FNBP1: variants seen among roughly 807,000 people sequenced by gnomAD.
The protein encoded by FNBP1 is formin-binding protein 1.
A neutral mutation model predicts 90.6 loss-of-function variants in FNBP1; 26 were observed. The observed-to-expected ratio is 0.29, with a 90% confidence interval of 0.21 to 0.40. The LOEUF (loss-of-function observed/expected upper bound fraction) is 0.40. Among genes scored for constraint, FNBP1 ranks in the 10% least tolerant of loss-of-function variants. The probability of loss-of-function intolerance (pLI) is 1.00; values close to 1 mark genes in which losing one functional copy is unlikely to be tolerated. For missense variants in FNBP1, 635 were observed against 768.0 expected, an observed-to-expected ratio of 0.83 and a Z score of 2.05; for synonymous variants, 260 against 265.2, an observed-to-expected ratio of 0.98 and a Z score of 0.19.
chr9:129,931,899 A>G (rs1241812827), intron 6 of FNBP1, among the ~76,000 whole-genome samples: 1 of 151,736 alleles, frequency 6.6e-6, no homozygotes, highest in African/African-American at 2.4e-5. Flanking sequence ...AAAGAAGAAA[A>G]GAGAGAAAGA....
At chr9:129,904,750 C>CATT (rs1398098000) in intron 12 of FNBP1, among the ~76,000 whole-genome samples, 2 of 151,968 alleles carry the variant, frequency 1.3e-5, no homozygotes, top group African/African-American at 4.8e-5. Context: ...ATGCATCATT[C>CATT]ATTATTATTA....
At chr9:129,919,181 G>A in intron 10 of FNBP1, 1 of 1,301,448 alleles carries the variant, frequency 7.7e-7, no homozygotes, top group African/African-American at 1.5e-5. Context: ...AGCCTCAAAG[G>A]CATACGTGGG....
the FNBP1 span, chr9:130,053,607 T>A: frequency 5.3e-6 from 2 of 378,204 alleles, no homozygotes; most frequent in Admixed American, 9.0e-5. Flanking sequence ...AGATCAGGGG[T>A]CCCCGGAGCC....
intron 4 of FNBP1, among the ~76,000 whole-genome samples, chr9:129,959,624 T>A (rs1030013279): frequency 1.3e-5 from 2 of 152,028 alleles, no homozygotes; most frequent in Admixed American, 1.3e-4. Context: ...TTTGAAGACA[T>A]ATATGCCACT....
Position 130,041,719 on chromosome 9 carries a change from C to T in FNBP1, c.24+1233G>A, listed in dbSNP as rs949892708. 6.6e-6 allele frequency among the ~76,000 whole-genome samples: 1 copy of T among 152,084 alleles called. No homozygotes were observed. Among genetic ancestry groups the T allele is most frequent in the African/African-American group, 2.4e-5 (1 of 41,392 alleles). ...CCCTCAGGATTTTGGTAATAACAACCGTAGCTGCTTCTGTACCTAACAAAT... is the reference window on the plus strand; with the variant it reads ...CCCTCAGGATTTTGGTAATAACAACTGTAGCTGCTTCTGTACCTAACAAAT... On this transcript the variant is annotated intron_variant, in intron 1 of 16. Coordinates refer to ENST00000446176, the MANE Select transcript of FNBP1 (RefSeq NM_015033.3). The surrounding 1 kb of genome is among the most constrained non-coding windows in gnomAD (Gnocchi z 4.3).
intron 1 of FNBP1, among the ~76,000 whole-genome samples, chr9:129,997,918 G>A (rs537580215): frequency 6.6e-6 from 1 of 152,086 alleles, no homozygotes; most frequent in Non-Finnish European, 1.5e-5. Flanking sequence ...TGGGCGCGGT[G>A]GCTCACATCC....
At chr9:130,037,857 AG>A (rs1469320007) in intron 1 of FNBP1, among the ~76,000 whole-genome samples, 1 of 152,214 alleles carries the variant, frequency 6.6e-6, no homozygotes, top group Non-Finnish European at 1.5e-5. Context: ...TTAAAACAAA[AG>A]GAAAAAAAGG....
rs35377346 is a variant in FNBP1 at position 129,903,643 on chromosome 9, T to TA, written c.1296-643dup. Among the ~76,000 whole-genome samples, 398 of 152,286 alleles carry TA rather than the reference T, an allele frequency of 2.6e-3. 4 individuals carry two copies. The highest frequency in any genetic ancestry group is 9.2e-3 in the African/African-American group (381 of 41,558). On this transcript the variant is annotated intron_variant, in intron 12 of 16. Transcript: ENST00000446176. ...AATAAATAAATAAAAGCCAATACTT[T>TA]AAAAATTTTTAATTAATTAATTTAT...
At chr9:129,913,640 G>A (rs923930493) in intron 11 of FNBP1, among the ~76,000 whole-genome samples, 6 of 151,752 alleles carry the variant, frequency 4.0e-5, no homozygotes, top group Admixed American at 6.6e-5. Flanking sequence ...GTGTGGTGGC[G>A]CGCCCCTATA....
chr9:130,033,973 G>A (rs575863655), intron 1 of FNBP1, among the ~76,000 whole-genome samples: 36 of 145,818 alleles, frequency 2.5e-4, no homozygotes, highest in African/African-American at 8.4e-4. Flanking sequence ...CAGAGATTGC[G>A]CCACCGCACT....
the FNBP1 span, among the ~76,000 whole-genome samples, chr9:130,048,929 C>T: frequency 3.3e-5 from 5 of 151,560 alleles, no homozygotes; most frequent in East Asian, 9.8e-4. Flanking sequence ...TACAGGCGCC[C>T]GCCACCATGC....
At chr9:129,967,948 T>C (rs1394880854) in intron 4 of FNBP1, among the ~76,000 whole-genome samples, 1 of 152,080 alleles carries the variant, frequency 6.6e-6, no homozygotes, top group Non-Finnish European at 1.5e-5. Flanking sequence ...CCCTGAGCAA[T>C]CTTCCTGCCT....
At chr9:130,005,461 C>T (rs1446760065) in intron 1 of FNBP1, among the ~76,000 whole-genome samples, 2 of 151,620 alleles carry the variant, frequency 1.3e-5, no homozygotes, top group Non-Finnish European at 2.9e-5. Flanking sequence ...CCTGCCTCAG[C>T]CTCCCGAGTA....
chr9:130,025,896 C>T (rs1417150556), intron 1 of FNBP1, among the ~76,000 whole-genome samples: 1 of 152,032 alleles, frequency 6.6e-6, no homozygotes, highest in Non-Finnish European at 1.5e-5. Context: ...TGCACTCCAG[C>T]CTGGGTGACA....
At chr9:129,898,822 C>T (rs1473463129) in intron 15 of FNBP1, among the ~76,000 whole-genome samples, 1 of 151,950 alleles carries the variant, frequency 6.6e-6, no homozygotes, top group African/African-American at 2.4e-5. Flanking sequence ...GCCTGATTTC[C>T]CTCTGGGCAG....
chr9:129,905,506 T>C (rs1479599546), intron 12 of FNBP1, among the ~76,000 whole-genome samples: 2 of 151,856 alleles, frequency 1.3e-5, no homozygotes, highest in African/African-American at 2.4e-5. Context: ...GACAGGGTTT[T>C]GCCATGTTGG....
intron 11 of FNBP1, among the ~76,000 whole-genome samples, chr9:129,910,421 G>T (rs2039023982): frequency 7.2e-6 from 1 of 138,998 alleles, no homozygotes; most frequent in South Asian, 2.4e-4. Context: ...AGCGGAGGTT[G>T]TAGTGAGCCG....
intron 15 of FNBP1, among the ~76,000 whole-genome samples, chr9:129,898,798 C>T (rs2036291829): frequency 6.6e-6 from 1 of 151,950 alleles, no homozygotes; most frequent in African/African-American, 2.4e-5. Context: ...GCTGCTTGCT[C>T]CTTAAGTGTG....
Position 130,025,498 on chromosome 9 carries a change from C to G in FNBP1, c.24+17454G>C, listed in dbSNP as rs142026213. Among the ~76,000 whole-genome samples the G allele has an allele frequency of 8.0e-4, 122 of 152,330 alleles. 1 individual carries two copies. The East Asian group carries it at 0.021, about 27-fold the overall frequency. ...ATTTCAGTGTCAGTTGATCCTGGAACTCAGATTACCTTGAAACACTTGAGT... is the reference window on the plus strand; with the variant it reads ...ATTTCAGTGTCAGTTGATCCTGGAAGTCAGATTACCTTGAAACACTTGAGT... On this transcript the variant is annotated intron_variant, in intron 1 of 16. Transcript: ENST00000446176.
Sources: allele counts gnomAD v4.1 joint callset (sites outside exome capture counted in the v4.1 genomes callset), GRCh38; gene constraint gnomAD v4.1.1; non-coding constraint Gnocchi (gnomAD v3.1); transcripts MANE v1.5; gene names NCBI Gene and HGNC (gene_info 2026-07-23, HGNC 2026-07-21).